The following KHK variants were observed in gnomAD, a reference collection of about 807,000 sequenced individuals.
KHK encodes the protein fructokinase.
KHK carries 37 observed loss-of-function variants against 36.0 expected under a neutral mutation model. The observed-to-expected ratio is 1.03, with a 90% CI of 0.79 to 1.35. The LOEUF is 1.35. KHK is among the 40% of genes most tolerant of loss of function. KHK has a pLI of 0.00. For synonymous variants in KHK, 161 were observed against 162.8 expected, an observed-to-expected ratio of 0.99 and a Z score of 0.08; for missense variants, 395 against 391.9, an observed-to-expected ratio of 1.01 and a Z score of -0.07.
intron 3 of KHK, 121 bp downstream of exon 3, chr2:27,095,055 G>T: frequency 8.6e-7 from 1 of 1,157,656 alleles, no homozygotes; most frequent in Non-Finnish European, 1.3e-6. Flanking sequence ...ACCAGAAGTT[G>T]CTCCCCTGCC....
At position 27,100,228 on chromosome 2, in the gene KHK, ACT is replaced by A. The variant is rs1469143636; in HGVS notation, c.*481_*482del. On this transcript the variant is annotated 3_prime_UTR_variant, in exon 8 of 8. Transcript: ENST00000260598. ...CTCTTCGGGGCCCTGCGTTGTGCAG[ACT>A]CTATTCCCACAGCTCAGAAGCTGGG... 1.3e-5 allele frequency: 5 copies of A among 397,120 alleles called. No homozygotes were observed. Among genetic ancestry groups the A allele is most frequent in the South Asian group, 4.1e-5 (2 of 48,880 alleles). 24.6% of individuals were successfully genotyped at this position (397,120 alleles called of 1,614,324 possible).
At chr2:27,089,301 G>T (rs1033188867) in intron 1 of KHK, among the ~76,000 whole-genome samples, 3 of 152,134 alleles carry the variant, frequency 2.0e-5, no homozygotes, top group Non-Finnish European at 4.4e-5. Flanking sequence ...CAGGGACTGG[G>T]GAAGGGGCAC....
chr2:27,088,635 G>T (rs1448443471), intron 1 of KHK, among the ~76,000 whole-genome samples: 2 of 151,752 alleles, frequency 1.3e-5, no homozygotes, highest in African/African-American at 4.8e-5. Context: ...TGTTGGCCAT[G>T]CTGGTCTCAA....
Position 27,100,363 on chromosome 2 carries a change from A to T in KHK, c.*613A>T. ...GATGGGGTCTTCATTGTCCAGAAATACCTCCTCCCGCTGACTGCCCCAGAG... is the reference window on the plus strand; with the variant it reads ...GATGGGGTCTTCATTGTCCAGAAATTCCTCCTCCCGCTGACTGCCCCAGAG... On this transcript the variant is annotated 3_prime_UTR_variant, in exon 8 of 8. Coordinates refer to ENST00000260598, the MANE Select transcript of KHK (RefSeq NM_006488.3). 1 of 1,164,304 alleles carries T rather than the reference A, an allele frequency of 8.6e-7. No individual in the cohort carries two copies. Among genetic ancestry groups the T allele is most frequent in the Non-Finnish European group, 1.1e-6 (1 of 875,296 alleles). The allele number at this position is 1,164,304 out of a possible 1,614,324, so 72.1% of individuals were successfully genotyped here.
chr2:27,094,707 C>T, intron 2 of KHK, 93 bp from the exon 3 acceptor site: 7 of 1,612,516 alleles, frequency 4.3e-6, no homozygotes, highest in Non-Finnish European at 5.9e-6. Context: ...TGTGCTCCAG[C>T]ACCCTCTCCC....
Position 27,099,520 on chromosome 2 carries a change from G to C in KHK, c.754G>C (p.Asp252His), listed in dbSNP as rs371516742. 25 of 1,614,068 alleles carry C rather than the reference G, an allele frequency of 1.5e-5. No individual in the cohort carries two copies. The African/African-American group carries it at 2.9e-4, about 19-fold the overall frequency. The change falls in exon 7 of 8, where the codon GAT becomes CAT. Residue 252 changes from aspartate to histidine, a missense_variant. By Grantham distance (81) the Asp-to-His change is moderately conservative. Transcript: ENST00000260598. ...SDAFPPPRVV[D>H]TLGAGDTFNA... ...TGCTTTCCCGCCACCCCGCGTGGTG[G>C]ATACACTGGGAGCTGGAGACACCTT...
intron 5 of KHK, among the ~76,000 whole-genome samples, chr2:27,097,991 G>A (rs1008947204): frequency 2.6e-5 from 4 of 152,176 alleles, no homozygotes; most frequent in Admixed American, 2.0e-4. Flanking sequence ...TGCAGAATGA[G>A]GGCACACAAC....
At chr2:27,096,584 C>G in intron 3 of KHK, 145 bp from the exon 4 acceptor site, 2 of 742,138 alleles carry the variant, frequency 2.7e-6, no homozygotes, top group East Asian at 2.6e-5. Flanking sequence ...TGGAGCTGAG[C>G]CTGAGAATCC....
chr2:27,096,243 G>A (rs1670327843), intron 3 of KHK, among the ~76,000 whole-genome samples: 1 of 152,154 alleles, frequency 6.6e-6, no homozygotes, highest in South Asian at 2.1e-4. Flanking sequence ...TTGACCTCAG[G>A]GTTGCAACGG....
At chr2:27,097,740 G>C in intron 5 of KHK, 91 bp downstream of exon 5, 1 of 1,539,720 alleles carries the variant, frequency 6.5e-7, no homozygotes. Flanking sequence ...TACCACAATT[G>C]GAATAGTGGT....
chr2:27,096,773 T>C lies in KHK; in HGVS notation c.389T>C (p.Leu130Pro), dbSNP rs1347233409. 1.9e-6 allele frequency: 3 copies of C among 1,614,132 alleles called. No homozygotes were observed. The South Asian group carries it at 3.3e-5, about 18-fold the overall frequency. Residue 130 changes from leucine to proline, a missense_variant, in exon 4 of 8, where the codon CTG becomes CCG. Coordinates refer to ENST00000260598, the MANE Select transcript of KHK (RefSeq NM_006488.3). ...GCTACAGACTTTGAGAAGGTTGATCTGACCCAGTTCAAGTGGATCCACATT... is the reference window on the plus strand; with the variant it reads ...GCTACAGACTTTGAGAAGGTTGATCCGACCCAGTTCAAGTGGATCCACATT... ...VSATDFEKVDLTQFKWIHIEG... is the reference protein window; with the variant it reads ...VSATDFEKVDPTQFKWIHIEG...
intron 1 of KHK, among the ~76,000 whole-genome samples, chr2:27,090,601 C>A (rs1237490410): frequency 6.6e-6 from 1 of 151,668 alleles, no homozygotes; most frequent in Non-Finnish European, 1.5e-5. Context: ...ATTACAGGCA[C>A]CTGCCACCAC....
chr2:27,094,926 C>G lies in KHK; in HGVS notation c.336C>G (p.Leu112=). 6.2e-7 allele frequency: 1 copy of G among 1,613,950 alleles called. No homozygotes were observed. The highest frequency in any genetic ancestry group is 8.5e-7 in the Non-Finnish European group (1 of 1,180,044). ...CCAATGGCAACCGTACCATTGTGCTCCATGACACGTAAGGCCCCCGGGCCT... is the reference window on the plus strand; with the variant it reads ...CCAATGGCAACCGTACCATTGTGCTGCATGACACGTAAGGCCCCCGGGCCT... ...NNSNGNRTIV[L]HDTSLPDVSA... The change falls in exon 3 of 8, where the codon CTC becomes CTG. Residue 112 remains leucine, a synonymous_variant. Coordinates refer to ENST00000260598, the MANE Select transcript of KHK (RefSeq NM_006488.3).
At position 27,092,375 on chromosome 2, in the gene KHK, T is replaced by C. The variant is rs1670064531; in HGVS notation, c.136T>C (p.Ser46Pro). The change falls in exon 2 of 8, where the codon TCC (serine) becomes CCC (proline). Residue 46 changes from serine to proline, a missense_variant. Ser to Pro is a moderately conservative substitution (Grantham distance 74). Transcript: ENST00000260598. ...GCAGCGCGGAGGCAACGCGTCCAAC[T>C]CCTGCACCGTTCTCTCCCTGCTCGG... ...RWQRGGNASN[S>P]CTVLSLLGAP... 3 of 1,613,518 alleles carry C rather than the reference T, an allele frequency of 1.9e-6. No individual in the cohort carries two copies. The highest frequency in any genetic ancestry group is 2.5e-6 in the Non-Finnish European group (3 of 1,180,030).
chr2:27,087,418 C>A, intron 1 of KHK, 67 bp downstream of exon 1: 2 of 1,323,734 alleles, frequency 1.5e-6, no homozygotes, highest in Non-Finnish European at 1.1e-6. Context: ...TGCCAGCGAC[C>A]GAGGCTGCAG....
intron 1 of KHK, among the ~76,000 whole-genome samples, chr2:27,090,641 G>C (rs1669943952): frequency 6.6e-6 from 1 of 151,608 alleles, no homozygotes; most frequent in African/African-American, 2.4e-5. Flanking sequence ...TTTTAGTAGA[G>C]ACAGGGTTTC....
chr2:27,097,406 C>G (rs1670423102), intron 4 of KHK, 97 bp from the exon 5 acceptor site: 2 of 1,548,940 alleles, frequency 1.3e-6, no homozygotes, highest in South Asian at 1.1e-5. Flanking sequence ...CCCCGAGGCC[C>G]TCTCCCTCCT....
intron 1 of KHK, among the ~76,000 whole-genome samples, chr2:27,088,514 G>A (rs1669800534): frequency 6.6e-6 from 1 of 152,188 alleles, no homozygotes; most frequent in Admixed American, 6.5e-5. Context: ...CTGGATTCAA[G>A]CGATTCTCCT....
chr2:27,097,727 G>A, intron 5 of KHK, 78 bp downstream of exon 5: 1 of 1,584,646 alleles, frequency 6.3e-7, no homozygotes, highest in South Asian at 1.1e-5. Context: ...CTTTTATCCT[G>A]CCTACCACAA....
Sources: gnomAD v4.1 joint callset for allele counts (sites outside exome capture counted in the v4.1 genomes callset) on GRCh38, gnomAD v4.1.1 for gene constraint, MANE v1.5 for transcripts, NCBI Gene and HGNC (gene_info 2026-07-23, HGNC 2026-07-21) for gene names.